The following SETD5 variants were observed in gnomAD, a reference collection of about 807,000 sequenced individuals.
The protein encoded by SETD5 is histone-lysine N-methyltransferase SETD5.
In SETD5, 44 loss-of-function variants were observed where a neutral mutation model predicts 153.3. The observed-to-expected ratio is 0.29, with a 90% CI of 0.23 to 0.37. The LOEUF is 0.37. Ranked by LOEUF, SETD5 falls within the 10% of genes least tolerant of loss-of-function variation. SETD5 has a pLI of 1.00. For synonymous variants in SETD5, 716 were observed against 645.2 expected (o/e 1.11, Z -1.66); for missense variants, 1,544 against 1,768.0 (o/e 0.87, Z 2.27).
chr3:9,443,477 A>T (rs2041550718), intron 11 of SETD5, 60 bp downstream of exon 11: 4 of 932,924 alleles, frequency 4.3e-6, no homozygotes, highest in Non-Finnish European at 4.4e-6. Flanking sequence ...TAAGCTATTC[A>T]CTCTATTTAA....
chr3:9,398,471 C>T (rs1348400871), intron 1 of SETD5: 1 of 152,130 alleles, frequency 6.6e-6, no homozygotes, highest in Non-Finnish European at 1.5e-5. Context: ...GACGCCTTCC[C>T]TCTCGTTTTC....
Position 9,443,382 on chromosome 3 carries a change from G to A in SETD5, c.1152G>A (p.Glu384=). 6.7e-7 allele frequency: 1 copy of A among 1,482,868 alleles called. No homozygotes were observed. The highest frequency in any genetic ancestry group is 9.0e-7 in the Non-Finnish European group (1 of 1,114,908). The allele number at this position is 1,482,868 out of a possible 1,614,324, so 91.9% of individuals were successfully genotyped here. ...TGTCTGCCATCACCAAGGATGCTGA[G>A]GTCACCATAGCATTTGATTATGAGT... The part of the protein sequence containing the change: ...YAVSAITKDA[E]VTIAFDYEYS... Residue 384 remains glutamate (E), a synonymous_variant, in exon 11 of 23, where the codon GAG becomes GAA. Transcript: ENST00000402198.
At chr3:9,429,074 T>TA (rs2039651660) in intron 3 of SETD5, 65 bp downstream of exon 3, 2 of 1,086,770 alleles carry the variant, frequency 1.8e-6, no homozygotes, top group Non-Finnish European at 2.8e-6. Context: ...TTCTTATGGA[T>TA]AGCTAATAGG....
At chr3:9,460,589 C>T (rs1411442178) in intron 17 of SETD5, among the ~76,000 whole-genome samples, 1 of 151,734 alleles carries the variant, frequency 6.6e-6, no homozygotes, top group Non-Finnish European at 1.5e-5. Flanking sequence ...CAGTATTGGA[C>T]AATAAGTGGA....
At chr3:9,470,951 G>A (rs765419252) in intron 19 of SETD5, 22 bp downstream of exon 19, 34 of 1,345,608 alleles carry the variant, frequency 2.5e-5, no homozygotes, top group Non-Finnish European at 3.3e-5. Flanking sequence ...ATGTTATATC[G>A]GCGAACTTTT....
chr3:9,421,579 C>T (rs564118841), intron 1 of SETD5, among the ~76,000 whole-genome samples: 12 of 152,274 alleles, frequency 7.9e-5, no homozygotes, highest in African/African-American at 2.6e-4. Context: ...CTGCCACATT[C>T]ATTCTCATAC....
chr3:9,438,468 C>T (rs1390746508), intron 7 of SETD5, among the ~76,000 whole-genome samples: 1 of 152,056 alleles, frequency 6.6e-6, no homozygotes, highest in East Asian at 1.9e-4. Context: ...GCACATAAAC[C>T]CCATATTTTG....
intron 17 of SETD5, among the ~76,000 whole-genome samples, chr3:9,454,893 A>AGT (rs1277361735): frequency 6.6e-6 from 1 of 152,022 alleles, no homozygotes; most frequent in African/African-American, 2.4e-5. Context: ...TTTAAATATT[A>AGT]GACAATCAAA....
chr3:9,466,877 A>G (rs1182975711), intron 18 of SETD5, among the ~76,000 whole-genome samples: 1 of 152,018 alleles, frequency 6.6e-6, no homozygotes, highest in Non-Finnish European at 1.5e-5. Context: ...TAAAATACAA[A>G]ACTTAGCCAG....
At chr3:9,437,540 T>TGTGTGTGTGTGTGTGTGTGTGC (rs2040729055) in intron 7 of SETD5, among the ~76,000 whole-genome samples, 1 of 151,768 alleles carries the variant, frequency 6.6e-6, no homozygotes, top group African/African-American at 2.4e-5. Context: ...TGTGTGTGTG[T>TGTGTGTGTGTGTGTGTGTGTGC]GTGTGTGTGT....
intron 7 of SETD5, chr3:9,436,790 A>G (rs2040620691): frequency 2.1e-6 from 3 of 1,454,138 alleles, no homozygotes; most frequent in Non-Finnish European, 1.9e-6. Flanking sequence ...TCAGATAGGT[A>G]TAACTGTCAT....
chr3:9,453,568 T>C lies in SETD5; in HGVS notation c.2347-171T>C, dbSNP rs190327341. On this transcript the variant is annotated intron_variant, in intron 16 of 22. Transcript: ENST00000402198. ...CCTCAAGTTTTTCAGTTAAAAGGAA[T>C]TGATAGGACAATGTTCCAATATGCT... is the stretch of plus-strand genomic sequence containing the variant. 5.3e-5 allele frequency among the ~76,000 whole-genome samples: 8 copies of C among 152,310 alleles called. No individual in the cohort carries two copies. In the East Asian group the frequency reaches 1.4e-3, roughly 26 times the overall value.
chr3:9,460,369 C>T (rs2043812406), intron 17 of SETD5, among the ~76,000 whole-genome samples: 1 of 151,024 alleles, frequency 6.6e-6, no homozygotes, highest in Non-Finnish European at 1.5e-5. Flanking sequence ...ATGCCATGTT[C>T]CTGGGTAAGA....
chr3:9,468,659 G>A lies in SETD5; in HGVS notation c.2725-1800G>A, dbSNP rs188697500. 5.1e-5 allele frequency: 62 copies of A among 1,224,840 alleles called. No individual in the cohort carries two copies. The East Asian group carries it at 3.1e-3, about 62-fold the overall frequency. 75.9% of individuals were successfully genotyped at this position (1,224,840 alleles called of 1,614,324 possible). ...GTTCCTGAGTGTGTGGGGAGGGCTGGGGATCTGAGTCAGTGGGGTGATGGG... is the reference window on the plus strand; with the variant it reads ...GTTCCTGAGTGTGTGGGGAGGGCTGAGGATCTGAGTCAGTGGGGTGATGGG... On this transcript the variant is annotated intron_variant, in intron 18 of 22. Transcript: ENST00000402198.
intron 7 of SETD5, chr3:9,436,926 A>G: frequency 6.5e-7 from 1 of 1,541,372 alleles, no homozygotes; most frequent in Admixed American, 2.0e-5. Context: ...GTTTTACTTC[A>G]CTGTGATCTT....
intron 21 of SETD5, 61 bp from the exon 22 acceptor site, chr3:9,475,007 G>C: frequency 7.0e-7 from 1 of 1,426,780 alleles, no homozygotes; most frequent in Non-Finnish European, 9.6e-7. Context: ...ATGAAAAATG[G>C]CTCTTTCTTA....
At chr3:9,412,244 A>T (rs976578436) in intron 1 of SETD5, among the ~76,000 whole-genome samples, 1 of 151,894 alleles carries the variant, frequency 6.6e-6, no homozygotes, top group African/African-American at 2.4e-5. Context: ...GTGAGGTTGT[A>T]GAGTGCTATA....
intron 2 of SETD5, among the ~76,000 whole-genome samples, chr3:9,428,406 G>GA (rs1435123535): frequency 6.6e-6 from 1 of 152,104 alleles, no homozygotes; most frequent in South Asian, 2.1e-4. Flanking sequence ...TGTGGCCTAG[G>GA]AAAAAAACTT....
Position 9,447,253 on chromosome 3 carries a change from C to T in SETD5, c.1728C>T (p.Ile576=). Residue 576 remains isoleucine (I), a synonymous_variant, in exon 14 of 23, where the codon ATC becomes ATT. Transcript: ENST00000402198. ...GCAACTCTGTTTCAAATGTTACCAT[C>T]CCAAGCACCCCACAGAGTGTTGGTG... ...EVSNSVSNVT[I]PSTPQSVGVN... The T allele has an allele frequency of 1.2e-6, 2 of 1,614,036 alleles. No individual in the cohort carries two copies. The highest frequency in any genetic ancestry group is 8.5e-7 in the Non-Finnish European group (1 of 1,179,896).
Sources: gnomAD v4.1 joint callset for allele counts (sites outside exome capture counted in the v4.1 genomes callset) on GRCh38, gnomAD v4.1.1 for gene constraint, MANE v1.5 for transcripts, NCBI Gene and HGNC (gene_info 2026-07-23, HGNC 2026-07-21) for gene names.